Variants in CCDC171 observed in about 807,000 individuals in gnomAD.
The protein encoded by CCDC171 is coiled-coil domain-containing protein 171.
In CCDC171, 177 loss-of-function variants were observed where a neutral mutation model predicts 168.2. The observed-to-expected ratio is 1.05, with a 90% CI of 0.93 to 1.19. The LOEUF is 1.19. Ranked by LOEUF, CCDC171 falls within the 50% of genes most tolerant of loss-of-function variation. The pLI, the probability that CCDC171 is intolerant of heterozygous loss-of-function variation, is 0.00. For missense variants in CCDC171, 1,991 were observed against 1,539.0 expected (o/e 1.29, Z -4.91); for synonymous variants, 687 against 540.8 (o/e 1.27, Z -3.75).
At chr9:15,944,100 A>T (rs1480543018) in intron 25 of CCDC171, among the ~76,000 whole-genome samples, 1 of 152,026 alleles carries the variant, frequency 6.6e-6, no homozygotes, top group Non-Finnish European at 1.5e-5. Context: ...CAATTTTTGA[A>T]ATATACCCAT....
At chr9:15,950,130 A>G (rs1296164603) in intron 25 of CCDC171, among the ~76,000 whole-genome samples, 2 of 152,182 alleles carry the variant, frequency 1.3e-5, no homozygotes, top group East Asian at 1.9e-4. Flanking sequence ...CTATGTGAAA[A>G]GACCAAATCT....
intron 4 of CCDC171, chr9:15,587,582 A>C (rs2131381359): frequency 2.2e-6 from 1 of 454,736 alleles, no homozygotes; most frequent in South Asian, 1.6e-5. Flanking sequence ...AGCCAGGAGG[A>C]AGAACCTAAT....
At chr9:15,683,868 G>A (rs7036747) in intron 10 of CCDC171, among the ~76,000 whole-genome samples, 149,281 of 152,168 alleles carry the variant, frequency 0.98, 73,288 homozygotes, top group East Asian at 1. Context: ...GAAAGGTAGC[G>A]TCTACTGAAA....
chr9:15,887,813 C>T (rs887165993), intron 24 of CCDC171: 2 of 151,980 alleles, frequency 1.3e-5, no homozygotes, highest in African/African-American at 4.8e-5. Context: ...CCAATACTAG[C>T]CAATCAAATC....
chr9:15,588,532 A>G, intron 4 of CCDC171: 1 of 348,370 alleles, frequency 2.9e-6, no homozygotes, highest in South Asian at 2.9e-5. Flanking sequence ...TGATGCTTAC[A>G]AGGAGGGGAA....
intron 1 of CCDC171, among the ~76,000 whole-genome samples, chr9:15,559,098 C>G (rs2039055805): frequency 6.6e-6 from 1 of 152,070 alleles, no homozygotes. Flanking sequence ...GTCTGAGAGA[C>G]AGTTTGTTAT....
intron 25 of CCDC171, among the ~76,000 whole-genome samples, chr9:15,951,108 A>C (rs2132467210): frequency 6.6e-6 from 1 of 150,428 alleles, no homozygotes; most frequent in South Asian, 2.2e-4. Flanking sequence ...ATACAGGAGC[A>C]CCCAGATTCA....
intron 20 of CCDC171, among the ~76,000 whole-genome samples, chr9:15,781,201 A>T (rs567404804): frequency 1.3e-5 from 2 of 152,354 alleles, no homozygotes; most frequent in South Asian, 4.1e-4. Context: ...GTATTAAGAA[A>T]ACAAGTTTGC....
In CCDC171 at chr9:16,047,339, G is replaced by A. The variant is rs559900930; in HGVS notation, n.89+4453G>A. On this transcript the variant is annotated intron_variant and non_coding_transcript_variant, in intron 1 of 1. Coordinates refer to the CCDC171 transcript ENST00000478913. Reference sequence around the variant, plus strand: ...TGCAGCTGCCCAAGCCAGAAATCTGGGAGCGATCCTAACCACCTGCCTTTC... The same window carrying A: ...TGCAGCTGCCCAAGCCAGAAATCTGAGAGCGATCCTAACCACCTGCCTTTC... 3.9e-4 allele frequency among the ~76,000 whole-genome samples: 59 copies of A among 152,174 alleles called. 1 individual carries two copies. The highest frequency in any genetic ancestry group is 1.4e-3 in the African/African-American group (58 of 41,528).
chr9:16,062,690 G>A (rs949849557), downstream of CCDC171, among the ~76,000 whole-genome samples: 2 of 152,232 alleles, frequency 1.3e-5, no homozygotes, highest in African/African-American at 2.4e-5. Flanking sequence ...ACACACTTCA[G>A]ATACAGACAT....
chr9:16,083,368 C>T, the CCDC171 span, among the ~76,000 whole-genome samples: 3 of 152,176 alleles, frequency 2.0e-5, no homozygotes, highest in Admixed American at 2.0e-4. Flanking sequence ...GGGACTTACA[C>T]TCGTAGCTTC....
rs2987038 is a variant in CCDC171 at position 15,997,943 on chromosome 9, G to A, written n.369-22646G>A. On this transcript the variant is annotated intron_variant and non_coding_transcript_variant, in intron 3 of 9. Coordinates refer to the CCDC171 transcript ENST00000486641. ...AGCATCAATTACCCCTGCCAAGATG[G>A]TGACTCTTCTTGCCTGCTGGAGCCT... Among the ~76,000 whole-genome samples, 271 of 152,274 alleles carry A rather than the reference G, an allele frequency of 1.8e-3. No homozygotes were observed. The Middle Eastern group carries it at 0.031, about 17-fold the overall frequency.
At chr9:16,054,337 A>C (rs1833799324) in intron 1 of CCDC171, among the ~76,000 whole-genome samples, 1 of 152,228 alleles carries the variant, frequency 6.6e-6, no homozygotes, top group African/African-American at 2.4e-5. Context: ...GGTGTGCACG[A>C]AGTCCAGAGA....
chr9:16,006,307 G>A (rs1271171521), intron 3 of CCDC171, among the ~76,000 whole-genome samples: 1 of 152,166 alleles, frequency 6.6e-6, no homozygotes, highest in Non-Finnish European at 1.5e-5. Flanking sequence ...TGGGTGTGAA[G>A]TGTATCTTTT....
chr9:16,073,695 G>A, the CCDC171 span, among the ~76,000 whole-genome samples: 6 of 152,112 alleles, frequency 3.9e-5, no homozygotes, highest in Non-Finnish European at 8.8e-5. Flanking sequence ...TCACCAAATC[G>A]CGATCTGGCA....
intron 7 of CCDC171, among the ~76,000 whole-genome samples, chr9:15,650,407 GA>G (rs999898131): frequency 1.3e-5 from 2 of 151,544 alleles, no homozygotes; most frequent in Admixed American, 6.6e-5. Context: ...ATAAAAAAAA[GA>G]AAAAAAATAA....
chr9:15,926,603 A>T (rs1399481619), intron 25 of CCDC171, among the ~76,000 whole-genome samples: 1 of 151,580 alleles, frequency 6.6e-6, no homozygotes, highest in Non-Finnish European at 1.5e-5. Context: ...GCAGGCCTGG[A>T]TGTACATTCT....
At chr9:15,653,915 G>C (rs1054746041) in intron 7 of CCDC171, among the ~76,000 whole-genome samples, 2 of 151,808 alleles carry the variant, frequency 1.3e-5, no homozygotes, top group African/African-American at 4.8e-5. Flanking sequence ...CAAAGATTGG[G>C]GTTTAAAAAA....
intron 21 of CCDC171, among the ~76,000 whole-genome samples, chr9:15,822,078 G>A (rs1344851886): frequency 1.3e-5 from 2 of 152,176 alleles, no homozygotes; most frequent in Admixed American, 6.5e-5. Context: ...AACAAGAAAT[G>A]TGGAAAGGAT....
Sources: allele counts gnomAD v4.1 joint callset (sites outside exome capture counted in the v4.1 genomes callset), GRCh38; gene constraint gnomAD v4.1.1; transcripts MANE v1.5; gene names NCBI Gene and HGNC (gene_info 2026-07-23, HGNC 2026-07-21).